Variants in ZNF892 observed in about 807,000 individuals in gnomAD.
ZNF892 encodes zinc finger protein 892.
At chr2:95,260,842 G>A in the ZNF892 span, among the ~76,000 whole-genome samples, 138 of 152,280 alleles carry the variant, frequency 9.1e-4, no homozygotes, top group Non-Finnish European at 1.6e-3. Flanking sequence ...TGGTGAAGCC[G>A]GGGGTCAATC....
chr2:95,214,606 G>A, the ZNF892 span: 1 of 399,426 alleles, frequency 2.5e-6, no homozygotes, highest in Admixed American at 4.4e-5. Flanking sequence ...CAAGGAGAGA[G>A]ACTACATCAT....
At chr2:95,245,459 G>GGGGGC in the ZNF892 span, among the ~76,000 whole-genome samples, 3 of 112,196 alleles carry the variant, frequency 2.7e-5, no homozygotes, top group African/African-American at 1.1e-4. Context: ...GCGGGGGGGG[G>GGGGGC]GGGGTTTCAC....
the ZNF892 span, among the ~76,000 whole-genome samples, chr2:95,245,925 T>G: frequency 6.6e-6 from 1 of 152,108 alleles, no homozygotes; most frequent in African/African-American, 2.4e-5. Flanking sequence ...ACAGCTGAAT[T>G]CCACCAAAAG....
chr2:95,244,340 A>T, the ZNF892 span, among the ~76,000 whole-genome samples: 4 of 124,892 alleles, frequency 3.2e-5, no homozygotes, highest in East Asian at 8.2e-4. Flanking sequence ...ATGATCAATT[A>T]AAAAAAAAAA....
the ZNF892 span, among the ~76,000 whole-genome samples, chr2:95,225,052 A>G: frequency 2.0e-5 from 3 of 152,124 alleles, no homozygotes; most frequent in Admixed American, 6.5e-5. Flanking sequence ...TAAATTACCC[A>G]TTATAGCATT....
the ZNF892 span, among the ~76,000 whole-genome samples, chr2:95,245,275 G>T: frequency 1.8e-5 from 2 of 112,582 alleles, no homozygotes; most frequent in East Asian, 5.4e-4. Flanking sequence ...TTTTGAGACA[G>T]AGTCTCACTT....
chr2:95,251,688 G>A, the ZNF892 span, among the ~76,000 whole-genome samples: 1 of 152,264 alleles, frequency 6.6e-6, no homozygotes, highest in Admixed American at 6.5e-5. Flanking sequence ...CCACAGGCTG[G>A]CGCCTGATGG....
At chr2:95,252,322 G>A in the ZNF892 span, among the ~76,000 whole-genome samples, 6 of 148,090 alleles carry the variant, frequency 4.1e-5, no homozygotes, top group South Asian at 2.1e-4. Flanking sequence ...ACCTATGAGT[G>A]AGAACATGCG....
At chr2:95,226,985 C>T in the ZNF892 span, among the ~76,000 whole-genome samples, 1 of 152,110 alleles carries the variant, frequency 6.6e-6, no homozygotes, top group Admixed American at 6.5e-5. Context: ...TTCTTTTGTC[C>T]TTATAAATGA....
At chr2:95,240,827 G>C in the ZNF892 span, among the ~76,000 whole-genome samples, 2 of 152,208 alleles carry the variant, frequency 1.3e-5, no homozygotes, top group Non-Finnish European at 2.9e-5. Flanking sequence ...GTTCCAGCCT[G>C]TCCAAATGGT....
At chr2:95,227,731 C>T in the ZNF892 span, among the ~76,000 whole-genome samples, 1 of 152,238 alleles carries the variant, frequency 6.6e-6, no homozygotes, top group East Asian at 1.9e-4. Context: ...ATTCTCCTGC[C>T]TCAGCTTCCC....
chr2:95,253,217 G>A, the ZNF892 span, among the ~76,000 whole-genome samples: 36 of 152,210 alleles, frequency 2.4e-4, no homozygotes, highest in African/African-American at 8.7e-4. Flanking sequence ...TATGGTTTTA[G>A]GTCTAACATT....
At chr2:95,229,462 A>G in the ZNF892 span, among the ~76,000 whole-genome samples, 6 of 152,052 alleles carry the variant, frequency 3.9e-5, no homozygotes, top group South Asian at 1.2e-3. Flanking sequence ...CATTGTCCCA[A>G]TGCCTCACCT....
chr2:95,253,933 A>G, the ZNF892 span, among the ~76,000 whole-genome samples: 133 of 152,298 alleles, frequency 8.7e-4, no homozygotes, highest in Non-Finnish European at 1.6e-3. Flanking sequence ...TTGATTTTGT[A>G]TCCTGAGACT....
the ZNF892 span, among the ~76,000 whole-genome samples, chr2:95,240,149 G>A: frequency 6.6e-6 from 1 of 152,152 alleles, no homozygotes; most frequent in East Asian, 1.9e-4. Flanking sequence ...TTAGAATTTG[G>A]TTTTGGGGAG....
the ZNF892 span, among the ~76,000 whole-genome samples, chr2:95,231,705 C>T: frequency 2.6e-5 from 4 of 152,150 alleles, no homozygotes; most frequent in African/African-American, 4.8e-5. Flanking sequence ...CTGGAGTTCT[C>T]TGTACTATTA....
chr2:95,234,827 C>T, the ZNF892 span, among the ~76,000 whole-genome samples: 1 of 152,188 alleles, frequency 6.6e-6, no homozygotes, highest in Admixed American at 6.5e-5. Flanking sequence ...GAAAACTAAC[C>T]CTCTTTGGGT....
chr2:95,207,389 C>T, the ZNF892 span: 10 of 157,746 alleles, frequency 6.3e-5, no homozygotes, highest in African/African-American at 2.2e-4. Context: ...GGTCAGCGCT[C>T]CTCCAGGTCG....
chr2:95,217,665 G>C, the ZNF892 span, among the ~76,000 whole-genome samples: 1 of 152,212 alleles, frequency 6.6e-6, no homozygotes, highest in Non-Finnish European at 1.5e-5. Context: ...TCCTGAGCAA[G>C]TCTAAAACTT....
Sources: gnomAD v4.1 joint callset for allele counts (sites outside exome capture counted in the v4.1 genomes callset) on GRCh38, gnomAD v4.1.1 for gene constraint, MANE v1.5 for transcripts, NCBI Gene and HGNC (gene_info 2026-07-23, HGNC 2026-07-21) for gene names.